Variants in SLC35F5 observed in about 807,000 individuals in gnomAD.
The protein encoded by SLC35F5 is solute carrier family 35 member F5.
A neutral mutation model predicts 68.6 loss-of-function variants in SLC35F5; 54 were observed. The observed-to-expected ratio is 0.79, with a 90% CI of 0.63 to 0.99. The LOEUF is 0.99. Among genes scored for constraint, SLC35F5 ranks in the 50% least tolerant of loss-of-function variants. SLC35F5 has a pLI of 0.00. For synonymous variants in SLC35F5, 211 were observed against 205.2 expected (o/e 1.03, Z -0.24); for missense variants, 567 against 626.9 (o/e 0.90, Z 1.02).
rs569499993 is a variant in SLC35F5, at chr2:113,735,669, T to G, written c.832+108A>C. On this transcript the variant is annotated intron_variant, in intron 8 of 15. Transcript: ENST00000245680. ...GTAATAGACTAATGTATATTAGAAC[T>G]AATGTAAGAAGCTATAACAAGATAA... The G allele has an allele frequency of 1.2e-4, 82 of 656,686 alleles. No homozygotes were observed. In the Middle Eastern group the frequency reaches 4.4e-3, roughly 35 times the overall value. The allele number at this position is 656,686 out of a possible 1,614,324, so 40.7% of individuals were successfully genotyped here.
intron 13 of SLC35F5, chr2:113,719,553 G>T: frequency 3.1e-6 from 1 of 319,336 alleles, no homozygotes. Context: ...CTAAAGGAAA[G>T]CCAAGAAAGC....
Position 113,715,174 on chromosome 2 carries a change from G to A in SLC35F5, c.*44C>T, listed in dbSNP as rs1015748268. On this transcript the variant is annotated 3_prime_UTR_variant, in exon 16 of 16. Transcript: ENST00000245680. ...AAAACTTGCCAGAGATTGTCTCTTC[G>A]CTGTATAGTTCCATTATCAAGCTAA... is the stretch of plus-strand genomic sequence containing the variant. 6.6e-6 allele frequency: 1 copy of A among 152,102 alleles called. No homozygotes were observed. The highest frequency in any genetic ancestry group is 1.5e-5 in the Non-Finnish European group (1 of 67,998). The allele number at this position is 152,102 out of a possible 1,614,324, so 9.4% of individuals were successfully genotyped here. A position where few individuals can be genotyped will look rare whatever the true frequency, so the allele number is the denominator to read the frequency against.
At chr2:113,705,965 G>C (rs1686789442), downstream of SLC35F5, among the ~76,000 whole-genome samples, 1 of 152,212 alleles carries the variant, frequency 6.6e-6, no homozygotes, top group African/African-American at 2.4e-5. Flanking sequence ...CGAAATACTA[G>C]TCCAGGGCAG....
rs1180182418 is a variant in SLC35F5 at position 113,735,762 on chromosome 2, A to G, written c.832+15T>C. Reference sequence around the variant, plus strand: ...ACTGATTTATAATGCAGATTTTTAAAGACAAATTTCTTACCGGAAGTTGAA... The same window carrying G: ...ACTGATTTATAATGCAGATTTTTAAGGACAAATTTCTTACCGGAAGTTGAA... On this transcript the variant is annotated intron_variant, in intron 8 of 15. Coordinates refer to ENST00000245680, the MANE Select transcript of SLC35F5 (RefSeq NM_025181.5). 9 of 1,557,788 alleles carry G rather than the reference A, an allele frequency of 5.8e-6. No homozygotes were observed. Among genetic ancestry groups the G allele is most frequent in the Non-Finnish European group, 7.9e-6 (9 of 1,136,212 alleles).
At chr2:113,705,672 T>C (rs1335856722), downstream of SLC35F5, 1 of 152,190 alleles carries the variant, frequency 6.6e-6, no homozygotes, top group East Asian at 1.9e-4. Context: ...AAGTTATAAG[T>C]AGTCAAGTAG....
intron 7 of SLC35F5, among the ~76,000 whole-genome samples, chr2:113,740,536 C>T (rs543961896): frequency 1.3e-5 from 2 of 152,134 alleles, no homozygotes; most frequent in African/African-American, 4.8e-5. Context: ...ATAAAATATA[C>T]CATTTGGATC....
chr2:113,715,569 TG>T (rs920703174), intron 15 of SLC35F5, among the ~76,000 whole-genome samples: 1 of 152,164 alleles, frequency 6.6e-6, no homozygotes, highest in African/African-American at 2.4e-5. Flanking sequence ...GAAACCTTGC[TG>T]GATATGGGTA....
At position 113,725,374 on chromosome 2, in the gene SLC35F5, A is replaced by C; in HGVS notation, c.1250+4T>G. 1 of 1,597,222 alleles carries C rather than the reference A, an allele frequency of 6.3e-7. No individual in the cohort carries two copies. Among genetic ancestry groups the C allele is most frequent in the Non-Finnish European group, 8.5e-7 (1 of 1,175,446 alleles). On this transcript the variant is annotated splice_donor_region_variant and intron_variant, in intron 12 of 15. Coordinates refer to ENST00000245680, the MANE Select transcript of SLC35F5 (RefSeq NM_025181.5). ...ATAATAATTGGAGAATAAACAGTAC[A>C]TACCACAACCACAGGAACTCTGAGA...
At chr2:113,719,344 A>G in intron 13 of SLC35F5, 36 bp from the exon 14 acceptor site, 1 of 1,512,614 alleles carries the variant, frequency 6.6e-7, no homozygotes, top group Non-Finnish European at 8.7e-7. Context: ...ACACACCCAC[A>G]ATTATCATTA....
chr2:113,717,976 G>A (rs1574208688), intron 14 of SLC35F5, 126 bp from the exon 15 acceptor site: 1 of 558,642 alleles, frequency 1.8e-6, no homozygotes, highest in Non-Finnish European at 3.0e-6. Context: ...CCAACACTAG[G>A]ATAAAATTTC....
At chr2:113,729,641 T>G in intron 10 of SLC35F5, 136 bp from the exon 11 acceptor site, 1 of 607,324 alleles carries the variant, frequency 1.6e-6, no homozygotes, top group South Asian at 2.0e-5. Flanking sequence ...ATCACCTTTA[T>G]ATTGATATAA....
intron 3 of SLC35F5, among the ~76,000 whole-genome samples, chr2:113,751,256 A>G (rs772087064): frequency 6.6e-6 from 1 of 152,222 alleles, no homozygotes; most frequent in Non-Finnish European, 1.5e-5. Context: ...GTGCCAAGTA[A>G]CAAGAGACGG....
chr2:113,755,092 C>T (rs1262898926), intron 3 of SLC35F5, 73 bp downstream of exon 3: 6 of 1,448,260 alleles, frequency 4.1e-6, no homozygotes, highest in Non-Finnish European at 5.7e-6. Context: ...ATTGTAACGG[C>T]TAGAGTTACT....
At position 113,756,602 on chromosome 2, in the gene SLC35F5, G is replaced by C; in HGVS notation, c.-193C>G. The C allele has an allele frequency of 1.4e-6, 2 of 1,389,798 alleles. No homozygotes were observed. Among genetic ancestry groups the C allele is most frequent in the East Asian group, 2.7e-5 (1 of 37,256 alleles). 86.1% of individuals were successfully genotyped at this position (1,389,798 alleles called of 1,614,324 possible). ...AGGGCGTGGAGCGGGTGAGGGGAAGGGACGGCACAGTCAGCTATGGCCGCG... is the reference window on the plus strand; with the variant it reads ...AGGGCGTGGAGCGGGTGAGGGGAAGCGACGGCACAGTCAGCTATGGCCGCG... On this transcript the variant is annotated 5_prime_UTR_variant, in exon 1 of 16. Coordinates refer to ENST00000245680, the MANE Select transcript of SLC35F5 (RefSeq NM_025181.5).
In SLC35F5 at chr2:113,706,941, ATG is replaced by A. The variant is rs1182653419; in HGVS notation, c.*8275_*8276del. Among the ~76,000 whole-genome samples the A allele has an allele frequency of 6.6e-6, 1 of 152,182 alleles. No individual in the cohort carries two copies. The highest frequency in any genetic ancestry group is 1.5e-5 in the Non-Finnish European group (1 of 68,028). Reference sequence around the variant, plus strand: ...CAAATTATATAGTTTAAAATACACAATGTTTCAAGTTGCAAGACAAAACCAGG... The same window carrying A: ...CAAATTATATAGTTTAAAATACACAATTTCAAGTTGCAAGACAAAACCAGG... On this transcript the variant is annotated 3_prime_UTR_variant, in exon 16 of 16. Coordinates refer to ENST00000245680, the MANE Select transcript of SLC35F5 (RefSeq NM_025181.5).
At chr2:113,730,479 G>A (rs1019860570) in intron 10 of SLC35F5, among the ~76,000 whole-genome samples, 3 of 152,230 alleles carry the variant, frequency 2.0e-5, no homozygotes, top group Non-Finnish European at 2.9e-5. Flanking sequence ...TGCTCTGGGT[G>A]AGAAAGAGGT....
rs745489508 is a variant in SLC35F5, at chr2:113,718,932, AAAGG to A, written c.1496+218_1496+221del. Among the ~76,000 whole-genome samples the A allele has an allele frequency of 3.1e-3, 412 of 133,178 alleles. 4 individuals carry two copies. Among genetic ancestry groups the A allele is most frequent in the Non-Finnish European group, 5.1e-3 (291 of 56,842 alleles). The allele number at this position is 133,178 out of a possible 152,430, so 87.4% of individuals were successfully genotyped here. The stretch of plus-strand genomic sequence containing the variant: ...AAGAAAGAAAGAAAGAAAGAAAAAG[AAAGG>A]AAGAAAGGAAGGAAGGAAGAAAGAA... On this transcript the variant is annotated intron_variant, in intron 14 of 15. Coordinates refer to ENST00000245680, the MANE Select transcript of SLC35F5 (RefSeq NM_025181.5).
intron 11 of SLC35F5, among the ~76,000 whole-genome samples, chr2:113,726,133 C>A (rs1364071779): frequency 6.6e-6 from 1 of 152,194 alleles, no homozygotes; most frequent in Non-Finnish European, 1.5e-5. Flanking sequence ...GGCCATCTGA[C>A]TGCCTGGGTC....
rs1435378017 is a variant in SLC35F5, at chr2:113,749,446, C to T, written c.417+979G>A. 5.9e-5 allele frequency among the ~76,000 whole-genome samples: 9 copies of T among 152,284 alleles called. No individual in the cohort carries two copies. The East Asian group carries it at 1.7e-3, about 29-fold the overall frequency. The stretch of plus-strand genomic sequence containing the variant: ...GCCCAGGATTCAAGGTTACAGCAAA[C>T]TGTGATTAAACCACTGCACTCCAGC... On this transcript the variant is annotated intron_variant, in intron 4 of 15. Coordinates refer to ENST00000245680, the MANE Select transcript of SLC35F5 (RefSeq NM_025181.5).
Sources: gnomAD v4.1 joint callset for allele counts (sites outside exome capture counted in the v4.1 genomes callset) on GRCh38, gnomAD v4.1.1 for gene constraint, MANE v1.5 for transcripts, NCBI Gene and HGNC (gene_info 2026-07-23, HGNC 2026-07-21) for gene names.